The following DNAJC27 variants were observed in gnomAD, a reference collection of about 807,000 sequenced individuals.
DNAJC27 encodes the protein DnaJ heat shock protein family (Hsp40) member C27, also known as dnaJ homolog subfamily C member 27.
In DNAJC27, 25 loss-of-function variants were observed where a neutral mutation model predicts 31.4. The observed-to-expected ratio is 0.80, with a 90% CI of 0.58 to 1.11. The LOEUF is 1.11. Among genes scored for constraint, DNAJC27 ranks in the 50% most tolerant of loss-of-function variants. The pLI, the probability that DNAJC27 is intolerant of heterozygous loss-of-function variation, is 0.00. For missense variants in DNAJC27, 356 were observed against 347.3 expected (o/e 1.02, Z -0.20); for synonymous variants, 106 against 112.7 (o/e 0.94, Z 0.37).
intron 3 of DNAJC27, 31 bp from the exon 4 acceptor site, chr2:24,958,005 T>C: frequency 6.3e-7 from 1 of 1,598,498 alleles, no homozygotes; most frequent in Non-Finnish European, 8.5e-7. Context: ...ACACAAAACG[T>C]AGTTTTTGTG....
chr2:24,966,557 C>G (rs1033070845), intron 2 of DNAJC27, among the ~76,000 whole-genome samples: 1 of 152,094 alleles, frequency 6.6e-6, no homozygotes, highest in East Asian at 1.9e-4. Flanking sequence ...CTCCCGGGTT[C>G]AAGTGATTCT....
intron 6 of DNAJC27, 84 bp downstream of exon 6, chr2:24,951,310 A>T (rs1389984320): frequency 7.5e-7 from 1 of 1,328,200 alleles, no homozygotes; most frequent in African/African-American, 1.5e-5. Context: ...AGCCAACTGG[A>T]GGAAGATATA....
At chr2:24,957,019 T>C in intron 5 of DNAJC27, 24 bp downstream of exon 5, 1 of 1,598,984 alleles carries the variant, frequency 6.3e-7, no homozygotes, top group Non-Finnish European at 8.5e-7. Context: ...ACACAAACCT[T>C]AAAACAACAA....
At chr2:24,956,851 G>A (rs1003033829) in intron 5 of DNAJC27, among the ~76,000 whole-genome samples, 192 bp downstream of exon 5, 1 of 152,154 alleles carries the variant, frequency 6.6e-6, no homozygotes, top group African/African-American at 2.4e-5. Flanking sequence ...ATAGACAGCA[G>A]TCAGATCACT....
At chr2:24,970,287 CGT>C (rs1666295561) in intron 1 of DNAJC27, among the ~76,000 whole-genome samples, 1 of 152,022 alleles carries the variant, frequency 6.6e-6, no homozygotes, top group Non-Finnish European at 1.5e-5. Flanking sequence ...GGTAAACAAT[CGT>C]ATTATTAGCA....
At chr2:24,957,461 C>T (rs1665934790) in intron 4 of DNAJC27, among the ~76,000 whole-genome samples, 1 of 152,044 alleles carries the variant, frequency 6.6e-6, no homozygotes, top group Non-Finnish European at 1.5e-5. Context: ...TCTGCCATAC[C>T]CTTGGGGCCA....
At chr2:24,965,588 C>T (rs1351291521) in intron 2 of DNAJC27, among the ~76,000 whole-genome samples, 2 of 152,200 alleles carry the variant, frequency 1.3e-5, no homozygotes, top group Non-Finnish European at 2.9e-5. Context: ...GAGCTTCATA[C>T]ATTTCACTGC....
chr2:24,950,230 G>T (rs1573107346), intron 6 of DNAJC27, among the ~76,000 whole-genome samples: 1 of 152,034 alleles, frequency 6.6e-6, no homozygotes, highest in African/African-American at 2.4e-5. Flanking sequence ...TCCCTTCCCC[G>T]CTTTCCTTCT....
intron 5 of DNAJC27, among the ~76,000 whole-genome samples, 174 bp downstream of exon 5, chr2:24,956,869 A>T (rs373013556): frequency 1.4e-4 from 22 of 152,132 alleles, no homozygotes; most frequent in East Asian, 1.2e-3. Context: ...ACTCATTCTC[A>T]TTCTCTCTTC....
intron 5 of DNAJC27, among the ~76,000 whole-genome samples, chr2:24,956,438 T>C (rs1007928016): frequency 6.6e-6 from 1 of 152,184 alleles, no homozygotes; most frequent in African/African-American, 2.4e-5. Flanking sequence ...CCTCCCTCTA[T>C]TTCCTGCTTG....
chr2:24,968,875 A>ATT, intron 1 of DNAJC27: 1 of 153,924 alleles, frequency 6.5e-6, no homozygotes, highest in East Asian at 1.9e-4. Context: ...GCTTAAAAAA[A>ATT]ATTTTTTTTT....
At chr2:24,958,033 C>T (rs2149125699) in intron 3 of DNAJC27, 59 bp from the exon 4 acceptor site, 4 of 1,512,752 alleles carry the variant, frequency 2.6e-6, no homozygotes, top group East Asian at 2.3e-5. Flanking sequence ...AAGAATGTAT[C>T]TCACAGTCAT....
At chr2:24,967,094 T>C in intron 2 of DNAJC27, 117 bp downstream of exon 2, 2 of 740,618 alleles carry the variant, frequency 2.7e-6, no homozygotes, top group Non-Finnish European at 4.6e-6. Flanking sequence ...TCCCAACTTA[T>C]CTTCAAAGTC....
intron 6 of DNAJC27, among the ~76,000 whole-genome samples, chr2:24,950,420 T>A (rs1665740778): frequency 6.6e-6 from 1 of 152,234 alleles, no homozygotes; most frequent in Non-Finnish European, 1.5e-5. Context: ...ATATGTGTAG[T>A]AACGGTAGAA....
At chr2:24,960,803 A>G (rs10192533) in intron 3 of DNAJC27, among the ~76,000 whole-genome samples, 152,214 of 152,370 alleles carry the variant, frequency 1, 76,030 homozygotes, top group Middle Eastern at 1. Context: ...AGGAAAAGTC[A>G]GAAGCTAGCA....
At chr2:24,958,919 A>T (rs757883682) in intron 3 of DNAJC27, among the ~76,000 whole-genome samples, 2 of 152,246 alleles carry the variant, frequency 1.3e-5, no homozygotes, top group Non-Finnish European at 2.9e-5. Flanking sequence ...TCCCAAATGT[A>T]CTCAGACCCA....
rs1200198027 is a variant in DNAJC27, at chr2:24,963,488, A to G, written c.171-14T>C. Reference sequence around the variant, plus strand: ...CTGACGTGTACCCTGAAATGTTCAAATGGAAACAATCCGAAAGAAAGTCAT... The same window carrying G: ...CTGACGTGTACCCTGAAATGTTCAAGTGGAAACAATCCGAAAGAAAGTCAT... On this transcript the variant is annotated splice_polypyrimidine_tract_variant and intron_variant, in intron 2 of 6. Coordinates refer to ENST00000264711, the MANE Select transcript of DNAJC27 (RefSeq NM_016544.3). The G allele has an allele frequency of 6.2e-7, 1 of 1,605,452 alleles. No homozygotes were observed. The highest frequency in any genetic ancestry group is 1.1e-5 in the South Asian group (1 of 90,146).
intron 5 of DNAJC27, among the ~76,000 whole-genome samples, chr2:24,951,828 G>A (rs758242001): frequency 1.3e-5 from 2 of 152,074 alleles, no homozygotes; most frequent in African/African-American, 2.4e-5. Context: ...TAACAGATGG[G>A]CAGGGCATGG....
At chr2:24,957,772 C>A in intron 4 of DNAJC27, 38 bp downstream of exon 4, 1 of 1,580,358 alleles carries the variant, frequency 6.3e-7, no homozygotes, top group South Asian at 1.1e-5. Flanking sequence ...TCCACTCTTT[C>A]CCTAGAAATC....
Sources: allele counts gnomAD v4.1 joint callset (sites outside exome capture counted in the v4.1 genomes callset), GRCh38; gene constraint gnomAD v4.1.1; transcripts MANE v1.5; gene names NCBI Gene and HGNC (gene_info 2026-07-23, HGNC 2026-07-21).